The following DGKG variants were observed in gnomAD, a reference collection of about 807,000 sequenced individuals.
The protein encoded by DGKG is diacylglycerol kinase gamma.
DGKG carries 78 observed loss-of-function variants against 105.3 expected under a neutral mutation model. That is an observed-to-expected ratio of 0.74 (90% CI 0.62 to 0.89). The LOEUF is 0.89. Among genes scored for constraint, DGKG ranks in the 40% least tolerant of loss-of-function variants. The probability of loss-of-function intolerance (pLI) is 0.00; values close to 1 mark genes in which losing one functional copy is unlikely to be tolerated. For missense variants in DGKG, 958 were observed against 1,020.1 expected, an observed-to-expected ratio of 0.94 and a Z score of 0.83; for synonymous variants, 346 against 367.1, an observed-to-expected ratio of 0.94 and a Z score of 0.66.
intron 8 of DGKG, among the ~76,000 whole-genome samples, chr3:186,280,455 G>A (rs1433394145): frequency 6.6e-6 from 1 of 152,194 alleles, no homozygotes; most frequent in East Asian, 1.9e-4. Context: ...GAAAAGATTA[G>A]CATGGTTATT....
At chr3:186,258,457 T>G (rs1302870469) in intron 16 of DGKG, among the ~76,000 whole-genome samples, 1 of 151,964 alleles carries the variant, frequency 6.6e-6, no homozygotes, top group African/African-American at 2.4e-5. Flanking sequence ...CCTCCAAGGG[T>G]TCTATGGATT....
chr3:186,322,343 C>A (rs947011625), intron 1 of DGKG, among the ~76,000 whole-genome samples: 1 of 152,118 alleles, frequency 6.6e-6, no homozygotes, highest in East Asian at 1.9e-4. Flanking sequence ...CCAGATACAG[C>A]ACATCTTCAC....
At chr3:186,250,552 T>G in intron 19 of DGKG, among the ~76,000 whole-genome samples, 1 of 75,128 alleles carries the variant, frequency 1.3e-5, no homozygotes, top group South Asian at 7.1e-4. Flanking sequence ...AATAATTCTG[T>G]CATTCTTTTT....
At chr3:186,280,094 T>C (rs1199974456) in intron 8 of DGKG, 121 bp from the exon 9 acceptor site, 7 of 1,292,826 alleles carry the variant, frequency 5.4e-6, no homozygotes, top group Non-Finnish European at 7.6e-6. Flanking sequence ...TTTCCCCTCC[T>C]GTTAAGTGTG....
At chr3:186,315,234 C>G (rs1304263455) in intron 2 of DGKG, among the ~76,000 whole-genome samples, 2 of 152,184 alleles carry the variant, frequency 1.3e-5, no homozygotes, top group Non-Finnish European at 2.9e-5. Context: ...GATTTGACCA[C>G]TAGTAATTAA....
rs2108519807 is a variant in DGKG, at chr3:186,210,960, C to CCCA, written c.1917+834_1917+835insTGG. ...TTTCAGGTGGCCAGACACCAAGGAG[C>CCCA]TGTCCTCATGGCAATCAATGAGAGG... On this transcript the variant is annotated intron_variant, in intron 21 of 24. Transcript: ENST00000265022. The surrounding 1 kb of genome is among the most constrained non-coding windows in gnomAD (Gnocchi z 5.2). Among the ~76,000 whole-genome samples, 1 of 152,322 alleles carries CCCA rather than the reference C, an allele frequency of 6.6e-6. No individual in the cohort carries two copies. Among genetic ancestry groups the CCCA allele is most frequent in the Non-Finnish European group, 1.5e-5 (1 of 68,036 alleles).
intron 2 of DGKG, chr3:186,313,365 T>C (rs1463536384): frequency 3.3e-6 from 1 of 298,732 alleles, no homozygotes; most frequent in Non-Finnish European, 4.9e-6. Flanking sequence ...TTGGGGTCAA[T>C]AGCAATAAAA....
chr3:186,250,799 C>T lies in DGKG; in HGVS notation c.1761+960G>A, dbSNP rs761250480. ...TCCTGGCCTCAGGCAATCTGCCCGC[C>T]TCAGCCTCCCAAAGTGCTGGGATTG... On this transcript the variant is annotated intron_variant, in intron 19 of 24. Transcript: ENST00000265022. Among the ~76,000 whole-genome samples, 3 of 152,220 alleles carry T rather than the reference C, an allele frequency of 2.0e-5. 1 individual carries two copies. The highest frequency in any genetic ancestry group is 4.4e-5 in the Non-Finnish European group (3 of 68,016).
At chr3:186,250,085 C>T (rs1231356478) in intron 19 of DGKG, among the ~76,000 whole-genome samples, 2 of 152,118 alleles carry the variant, frequency 1.3e-5, no homozygotes, top group Non-Finnish European at 2.9e-5. Context: ...AGGAGAGAAC[C>T]TGGCTCCAGA....
rs137961016 is a variant in DGKG, at chr3:186,164,951, G to A, written c.2163C>T (p.Thr721=). 136 of 1,613,930 alleles carry A rather than the reference G, an allele frequency of 8.4e-5. No homozygotes were observed. Among genetic ancestry groups the A allele is most frequent in the East Asian group, 4.5e-4 (20 of 44,872 alleles). Residue 721 remains threonine (T), a synonymous_variant, in exon 23 of 25, where the codon ACC becomes ACT. Coordinates refer to ENST00000265022, the MANE Select transcript of DGKG (RefSeq NM_001346.3). ...EGAMEMGQIY[T]GLKSAGRRLA... ...GCCTCCTGCCTGCACTCTTCAGGCC[G>A]GTGTAGATCTGCCCCATCTCCATGG...
intron 1 of DGKG, among the ~76,000 whole-genome samples, chr3:186,353,418 T>A (rs1726731086): frequency 6.6e-6 from 1 of 151,630 alleles, no homozygotes; most frequent in African/African-American, 2.4e-5. Flanking sequence ...ACTCGAGAGG[T>A]TGAGGCAGGA....
chr3:186,173,607 TTGGGCACTCAAAGCCCAACAAGGC>T (rs775874268), intron 22 of DGKG, among the ~76,000 whole-genome samples: 6 of 152,382 alleles, frequency 3.9e-5, no homozygotes, highest in Non-Finnish European at 8.8e-5. Context: ...CCTTGGTGGC[TTGGGCACTCAAAGCCCAACAAGGC>T]TGGGCACTGC....
At chr3:186,355,387 A>C (rs1198910414) in intron 1 of DGKG, among the ~76,000 whole-genome samples, 2 of 150,202 alleles carry the variant, frequency 1.3e-5, no homozygotes, top group African/African-American at 2.5e-5. Context: ...CACCACCACC[A>C]CTACCATCAC....
chr3:186,161,540 A>C (rs1553796297), intron 24 of DGKG, 63 bp downstream of exon 24: 1 of 1,611,894 alleles, frequency 6.2e-7, no homozygotes, highest in African/African-American at 1.3e-5. Context: ...ATATTAAGTC[A>C]GTGCCCAAAA....
intron 1 of DGKG, among the ~76,000 whole-genome samples, chr3:186,321,502 T>C (rs996551025): frequency 2.0e-5 from 3 of 152,204 alleles, no homozygotes; most frequent in African/African-American, 7.2e-5. Flanking sequence ...TTATTCTCAG[T>C]TGAGGTTACA....
At chr3:186,195,251 C>T (rs1718122252) in intron 21 of DGKG, among the ~76,000 whole-genome samples, 1 of 151,828 alleles carries the variant, frequency 6.6e-6, no homozygotes, top group South Asian at 2.1e-4. Context: ...TTCACTTTAT[C>T]ACCACCAGAC....
intron 1 of DGKG, among the ~76,000 whole-genome samples, chr3:186,341,217 C>A (rs1473288015): frequency 6.6e-6 from 1 of 152,220 alleles, no homozygotes; most frequent in Non-Finnish European, 1.5e-5. Context: ...GCAGATATCA[C>A]TAAGTGGCTG....
chr3:186,297,373 T>G, intron 5 of DGKG, 48 bp downstream of exon 5: 7 of 1,394,808 alleles, frequency 5.0e-6, no homozygotes, highest in Non-Finnish European at 7.1e-6. Flanking sequence ...TCCCCAAGGA[T>G]GAGGTATTCC....
At chr3:186,272,407 C>G (rs930509612) in intron 10 of DGKG, 64 bp from the exon 11 acceptor site, 9 of 1,208,320 alleles carry the variant, frequency 7.4e-6, no homozygotes, top group African/African-American at 3.0e-5. Context: ...CCCAGCTGCC[C>G]TCCCACCCTA....
Sources: gnomAD v4.1 joint callset for allele counts (sites outside exome capture counted in the v4.1 genomes callset) on GRCh38, gnomAD v4.1.1 for gene constraint, Gnocchi (gnomAD v3.1) non-coding constraint, MANE v1.5 for transcripts, NCBI Gene and HGNC (gene_info 2026-07-23, HGNC 2026-07-21) for gene names.